Variants in COBL observed in about 807,000 individuals in gnomAD.
The protein encoded by COBL is protein cordon-bleu.
A neutral mutation model predicts 98.8 loss-of-function variants in COBL; 51 were observed. The ratio of observed to expected loss-of-function variants is 0.52; its 90% CI spans 0.41 to 0.65. The LOEUF is 0.65. COBL is among the 30% of genes least tolerant of loss of function. The pLI, the probability that COBL is intolerant of heterozygous loss-of-function variation, is 0.00. For synonymous variants in COBL, 634 were observed against 651.7 expected, an observed-to-expected ratio of 0.97 and a Z score of 0.41; for missense variants, 1,617 against 1,617.5, an observed-to-expected ratio of 1.00 and a Z score of 0.01.
chr7:51,316,768 A>T lies in COBL; in HGVS notation c.-135T>A. ...CCTCCCACGCGGGCCGGCGGAGGAC[A>T]GCGGCGGAGCGCGGCGGACGGAAGG... On this transcript the variant is annotated 5_prime_UTR_variant, in exon 1 of 13. Transcript: ENST00000265136. The T allele has an allele frequency of 1.5e-6, 1 of 668,646 alleles. No homozygotes were observed. The highest frequency in any genetic ancestry group is 2.0e-6 in the Non-Finnish European group (1 of 488,150). The allele number at this position is 668,646 out of a possible 1,614,324, so 41.4% of individuals were successfully genotyped here. A position where few individuals can be genotyped will look rare whatever the true frequency, so the allele number is the denominator to read the frequency against.
intron 7 of COBL, among the ~76,000 whole-genome samples, chr7:51,058,728 A>G (rs1442280347): frequency 6.6e-6 from 1 of 152,208 alleles, no homozygotes; most frequent in Non-Finnish European, 1.5e-5. Context: ...CTTCATGGAG[A>G]GGCGTGATGA....
intron 11 of COBL, among the ~76,000 whole-genome samples, chr7:51,025,969 T>G (rs1329005407): frequency 6.6e-6 from 1 of 152,196 alleles, no homozygotes; most frequent in Non-Finnish European, 1.5e-5. Flanking sequence ...TGACTTTTCT[T>G]GGCATATAAG....
At chr7:51,041,320 T>C (rs1789168784) in intron 8 of COBL, among the ~76,000 whole-genome samples, 1 of 152,062 alleles carries the variant, frequency 6.6e-6, no homozygotes. Flanking sequence ...AAATATAAAG[T>C]ATTATTGATA....
intron 5 of COBL, chr7:51,172,480 C>T (rs190958309): frequency 5.6e-4 from 719 of 1,288,322 alleles, no homozygotes; most frequent in Non-Finnish European, 6.8e-4. Flanking sequence ...CTGGGGCAGC[C>T]CTGGAGGTGT....
chr7:51,144,183 C>T (rs1030617730), intron 5 of COBL, among the ~76,000 whole-genome samples: 1 of 152,168 alleles, frequency 6.6e-6, no homozygotes, highest in African/African-American at 2.4e-5. Flanking sequence ...GGGAGGAAAT[C>T]TAAACTCCAG....
chr7:51,061,981 A>ACACACACACACACT (rs1322943132), intron 7 of COBL, among the ~76,000 whole-genome samples: 2,205 of 150,582 alleles, frequency 0.015, 52 homozygotes, highest in African/African-American at 0.051. Flanking sequence ...ACACACACAC[A>ACACACACACACACT]CTCATAAATA....
At chr7:51,243,294 G>A (rs1332346556) in intron 1 of COBL, among the ~76,000 whole-genome samples, 2 of 152,202 alleles carry the variant, frequency 1.3e-5, no homozygotes, top group African/African-American at 2.4e-5. Flanking sequence ...ACGCTGGGGT[G>A]TGACTTCCTG....
chr7:51,065,518 T>C, intron 7 of COBL: 2 of 648,444 alleles, frequency 3.1e-6, no homozygotes, highest in Non-Finnish European at 2.8e-6. Flanking sequence ...GTGGTTCACA[T>C]ACAGTGTTGG....
intron 1 of COBL, among the ~76,000 whole-genome samples, chr7:51,230,407 G>GA (rs1794632902): frequency 6.6e-6 from 1 of 152,134 alleles, no homozygotes; most frequent in African/African-American, 2.4e-5. Flanking sequence ...CTGCCAAGCT[G>GA]ATTCCAGCTC....
intron 6 of COBL, among the ~76,000 whole-genome samples, chr7:51,096,605 T>A (rs1026774188): frequency 6.6e-6 from 1 of 151,940 alleles, no homozygotes; most frequent in Non-Finnish European, 1.5e-5. Flanking sequence ...TGACTACCCT[T>A]AGTTACAGTA....
chr7:51,264,217 A>C (rs1797968872), intron 1 of COBL, among the ~76,000 whole-genome samples: 1 of 152,128 alleles, frequency 6.6e-6, no homozygotes. Context: ...TGTGTTGGGG[A>C]TCTGTTCCTC....
chr7:51,264,441 C>T (rs896528881), intron 1 of COBL, among the ~76,000 whole-genome samples: 7 of 151,984 alleles, frequency 4.6e-5, no homozygotes, highest in African/African-American at 1.4e-4. Context: ...GAGGTCAACA[C>T]GGGTGGATCA....
chr7:51,110,412 C>T (rs1410832857), intron 6 of COBL, among the ~76,000 whole-genome samples: 5 of 152,210 alleles, frequency 3.3e-5, no homozygotes. Context: ...CCTCCAGTTC[C>T]ATCCATGTCG....
chr7:51,173,410 T>C (rs986459003), intron 5 of COBL, among the ~76,000 whole-genome samples: 2 of 152,096 alleles, frequency 1.3e-5, no homozygotes, highest in African/African-American at 4.8e-5. Context: ...CTCAAACCCC[T>C]GAGCTCAGGC....
chr7:51,288,560 C>G (rs1450329589), intron 1 of COBL, among the ~76,000 whole-genome samples: 1 of 152,002 alleles, frequency 6.6e-6, no homozygotes, highest in East Asian at 1.9e-4. Flanking sequence ...CGAGACCAGC[C>G]TGGCCAACAT....
At chr7:51,176,518 A>G (rs1274624511) in intron 5 of COBL, among the ~76,000 whole-genome samples, 2 of 152,188 alleles carry the variant, frequency 1.3e-5, no homozygotes, top group Non-Finnish European at 2.9e-5. Context: ...ACCCCTGCTA[A>G]CCAAATATAC....
chr7:51,227,627 C>T (rs1794334631), intron 1 of COBL, among the ~76,000 whole-genome samples: 3 of 152,166 alleles, frequency 2.0e-5, no homozygotes. Flanking sequence ...TCTTTTTAAA[C>T]TGCCACATGC....
At chr7:51,176,777 A>C (rs538090976) in intron 5 of COBL, among the ~76,000 whole-genome samples, 26 of 152,356 alleles carry the variant, frequency 1.7e-4, no homozygotes, top group African/African-American at 5.8e-4. Flanking sequence ...TAAAATCTTA[A>C]AATCAAAGCT....
chr7:51,156,577 A>G, intron 5 of COBL: 1 of 985,256 alleles, frequency 1.0e-6, no homozygotes, highest in South Asian at 4.7e-5. Flanking sequence ...CAAGCAAATA[A>G]AAGAATTCTC....
Sources: gnomAD v4.1 joint callset for allele counts (sites outside exome capture counted in the v4.1 genomes callset) on GRCh38, gnomAD v4.1.1 for gene constraint, MANE v1.5 for transcripts, NCBI Gene and HGNC (gene_info 2026-07-23, HGNC 2026-07-21) for gene names.